ANO3: variants seen among roughly 807,000 people sequenced by gnomAD.
ANO3 encodes anoctamin-3.
Under a neutral mutation model 144.8 loss-of-function variants are expected in ANO3, and 99 were observed. The ratio of observed to expected loss-of-function variants is 0.68; its 90% CI spans 0.58 to 0.81. ANO3 has a LOEUF of 0.81. Ranked by LOEUF, ANO3 falls within the 30% of genes least tolerant of loss-of-function variation. The pLI is 0.00. For synonymous variants in ANO3, 414 were observed against 392.6 expected, an observed-to-expected ratio of 1.05 and a Z score of -0.64; for missense variants, 905 against 1,202.2, an observed-to-expected ratio of 0.75 and a Z score of 3.66.
chr11:26,645,832 A>G (rs1853325951), intron 23 of ANO3, among the ~76,000 whole-genome samples: 1 of 152,194 alleles, frequency 6.6e-6, no homozygotes, highest in Non-Finnish European at 1.5e-5. Context: ...AAAACTGCAC[A>G]TCCTGCACAT....
At chr11:26,269,340 C>A (rs374593420) in intron 1 of ANO3, among the ~76,000 whole-genome samples, 3 of 152,082 alleles carry the variant, frequency 2.0e-5, no homozygotes, top group Non-Finnish European at 2.9e-5. Flanking sequence ...GAAGGGGAGA[C>A]GTGGAAGGCA....
intron 1 of ANO3, among the ~76,000 whole-genome samples, chr11:26,425,308 T>G (rs1857888039): frequency 6.6e-6 from 1 of 152,138 alleles, no homozygotes; most frequent in African/African-American, 2.4e-5. Flanking sequence ...CTTATTTCAG[T>G]AGAAATTATT....
intron 3 of ANO3, among the ~76,000 whole-genome samples, chr11:26,453,600 A>G (rs547506427): frequency 2.6e-5 from 4 of 152,140 alleles, no homozygotes; most frequent in African/African-American, 9.6e-5. Context: ...GTGACCTACA[A>G]AGAGACTTAG....
At chr11:26,623,920 G>A (rs1283038752) in intron 17 of ANO3, among the ~76,000 whole-genome samples, 1 of 152,102 alleles carries the variant, frequency 6.6e-6, no homozygotes, top group East Asian at 1.9e-4. Flanking sequence ...CCGAGTAGCT[G>A]GGACTACAGG....
intron 11 of ANO3, among the ~76,000 whole-genome samples, chr11:26,544,307 T>A (rs1159205968): frequency 1.1e-5 from 1 of 94,528 alleles, no homozygotes; most frequent in Non-Finnish European, 2.3e-5. Flanking sequence ...CATATGTATA[T>A]AAACCATATT....
At chr11:26,494,703 T>C (rs1860855342) in intron 4 of ANO3, among the ~76,000 whole-genome samples, 1 of 152,144 alleles carries the variant, frequency 6.6e-6, no homozygotes, top group African/African-American at 2.4e-5. Context: ...GGGAGCTTTG[T>C]TTGCAAAAAC....
chr11:26,552,567 G>A (rs374868), intron 12 of ANO3, among the ~76,000 whole-genome samples: 100,197 of 151,930 alleles, frequency 0.66, 33,331 homozygotes, highest in East Asian at 0.83. Context: ...AATTGTTATT[G>A]ATGTGTTAGT....
intron 17 of ANO3, among the ~76,000 whole-genome samples, chr11:26,602,371 G>T (rs1851821733): frequency 6.6e-6 from 1 of 152,074 alleles, no homozygotes; most frequent in Non-Finnish European, 1.5e-5. Flanking sequence ...GATGGTATTT[G>T]ATAGGTAAAT....
chr11:26,613,480 T>C (rs1359398031), intron 17 of ANO3, among the ~76,000 whole-genome samples: 2 of 152,222 alleles, frequency 1.3e-5, no homozygotes, highest in Non-Finnish European at 2.9e-5. Flanking sequence ...TTTTTAGGAA[T>C]TTCATAAATT....
At chr11:26,261,491 C>G (rs1237153252) in intron 1 of ANO3, among the ~76,000 whole-genome samples, 1 of 152,102 alleles carries the variant, frequency 6.6e-6, no homozygotes, top group Non-Finnish European at 1.5e-5. Context: ...GTTTATTTTA[C>G]CTTTCCTTGT....
At position 26,415,056 on chromosome 11, in the gene ANO3, A is replaced by ATGTGTGTGTG. The variant is rs149901742; in HGVS notation, c.47-26838_47-26829dup. Among the ~76,000 whole-genome samples, 557 of 145,556 alleles carry ATGTGTGTGTG rather than the reference A, an allele frequency of 3.8e-3. 4 individuals are homozygous for ATGTGTGTGTG. Among genetic ancestry groups the ATGTGTGTGTG allele is most frequent in the South Asian group, 9.1e-3 (41 of 4,492 alleles). On this transcript the variant is annotated intron_variant, in intron 1 of 26. Transcript: ENST00000256737. Reference sequence around the variant, plus strand: ...GATTGTATAAAAGTTATTGGTGTGTATGTGTGTGTGTGTGTGTGTGTGTGT... The same window carrying ATGTGTGTGTG: ...GATTGTATAAAAGTTATTGGTGTGTATGTGTGTGTGTGTGTGTGTGTGTGTGTGTGTGTGT...
intron 1 of ANO3, among the ~76,000 whole-genome samples, chr11:26,420,707 G>A (rs1857726927): frequency 6.6e-6 from 1 of 151,898 alleles, no homozygotes. Flanking sequence ...GAATGATAAA[G>A]GTTTCTGGCC....
intron 1 of ANO3, among the ~76,000 whole-genome samples, chr11:26,289,573 CATATATCCTATATGTGTGTATATGT>C (rs1262265450): frequency 1.8e-4 from 21 of 113,890 alleles, no homozygotes; most frequent in Non-Finnish European, 3.4e-4. Context: ...TACATATACA[CATATATCCTATATGTGTGTATATGT>C]ACATATACAC....
At chr11:26,570,738 C>G (rs1850791366) in intron 14 of ANO3, among the ~76,000 whole-genome samples, 1 of 152,122 alleles carries the variant, frequency 6.6e-6, no homozygotes, top group Non-Finnish European at 1.5e-5. Flanking sequence ...AAAGAAAACT[C>G]TGTCTGCTAT....
intron 5 of ANO3, among the ~76,000 whole-genome samples, chr11:26,509,461 G>A (rs979958628): frequency 1.3e-5 from 2 of 151,812 alleles, no homozygotes; most frequent in African/African-American, 2.4e-5. Context: ...TACAGGAACC[G>A]ATCACCGTGC....
chr11:26,601,809 C>T (rs1242886081), intron 17 of ANO3, among the ~76,000 whole-genome samples: 1 of 152,192 alleles, frequency 6.6e-6, no homozygotes, highest in African/African-American at 2.4e-5. Flanking sequence ...GTAGTTGTGT[C>T]GATTTCTAGG....
chr11:26,388,126 T>C (rs1030638535), intron 1 of ANO3, among the ~76,000 whole-genome samples: 35 of 150,644 alleles, frequency 2.3e-4, no homozygotes, highest in Non-Finnish European at 4.9e-4. Flanking sequence ...TTAGATTCTT[T>C]ATAATTTTTA....
chr11:26,398,142 C>T (rs770148171), intron 1 of ANO3, among the ~76,000 whole-genome samples: 1 of 152,054 alleles, frequency 6.6e-6, no homozygotes, highest in Non-Finnish European at 1.5e-5. Flanking sequence ...AGGTACAATG[C>T]CAGGTGGCAG....
rs189542460 is a variant in ANO3, at chr11:26,502,630, G to T, written c.433-5474G>T. On this transcript the variant is annotated intron_variant, in intron 4 of 26. Transcript: ENST00000256737. ...TTCCGTGTCTGTTGGTACCTATCAG[G>T]CTTCTTCTGGATACACTCTGACATT... 9.9e-5 allele frequency among the ~76,000 whole-genome samples: 15 copies of T among 152,152 alleles called. No individual in the cohort carries two copies. The East Asian group carries it at 2.3e-3, about 24-fold the overall frequency.
Sources: gnomAD v4.1 joint callset for allele counts (sites outside exome capture counted in the v4.1 genomes callset) on GRCh38, gnomAD v4.1.1 for gene constraint, MANE v1.5 for transcripts, NCBI Gene and HGNC (gene_info 2026-07-23, HGNC 2026-07-21) for gene names.